The following RBFOX1 variants were observed in gnomAD, a reference collection of about 807,000 sequenced individuals.
The protein encoded by RBFOX1 is RNA binding protein fox-1 homolog 1.
Under a neutral mutation model 57.7 loss-of-function variants are expected in RBFOX1, and 8 were observed. The observed-to-expected ratio is 0.14, with a 90% CI of 0.08 to 0.25. The LOEUF (loss-of-function observed/expected upper bound fraction) is 0.25. RBFOX1 is among the 10% of genes least tolerant of loss of function. RBFOX1 has a pLI of 1.00. For synonymous variants in RBFOX1, 326 were observed against 222.4 expected, an observed-to-expected ratio of 1.47 and a Z score of -4.15; for missense variants, 611 against 548.5, an observed-to-expected ratio of 1.11 and a Z score of -1.14.
intron 4 of RBFOX1, among the ~76,000 whole-genome samples, chr16:7,465,963 G>A (rs1172423812): frequency 6.6e-6 from 1 of 152,168 alleles, no homozygotes; most frequent in Admixed American, 6.5e-5. Flanking sequence ...CTGGATAACT[G>A]GAAGCAGACA....
chr16:6,677,453 C>T (rs1231925982), intron 3 of RBFOX1, among the ~76,000 whole-genome samples: 1 of 152,088 alleles, frequency 6.6e-6, no homozygotes, highest in Non-Finnish European at 1.5e-5. Context: ...CCCTAAAAGG[C>T]TACCTACATC....
At chr16:7,215,649 G>C (rs1212995688) in intron 4 of RBFOX1, among the ~76,000 whole-genome samples, 1 of 151,494 alleles carries the variant, frequency 6.6e-6, no homozygotes, top group Non-Finnish European at 1.5e-5. Context: ...GGGCAGATTA[G>C]CATTTCTTCC....
intron 3 of RBFOX1, among the ~76,000 whole-genome samples, chr16:6,870,522 C>G (rs1048406472): frequency 5.3e-5 from 8 of 152,252 alleles, no homozygotes; most frequent in Admixed American, 4.6e-4. Flanking sequence ...TGAATAATTG[C>G]TAGTGGAACA....
intron 3 of RBFOX1, among the ~76,000 whole-genome samples, chr16:5,795,954 C>A (rs1255785585): frequency 6.6e-6 from 1 of 152,218 alleles, no homozygotes; most frequent in Non-Finnish European, 1.5e-5. Context: ...CATCAATAGT[C>A]CCCACCTTTT....
At chr16:6,433,920 T>C (rs1301168743) in intron 2 of RBFOX1, among the ~76,000 whole-genome samples, 1 of 149,980 alleles carries the variant, frequency 6.7e-6, no homozygotes, top group Non-Finnish European at 1.5e-5. Context: ...CCATCTCTGC[T>C]CACCGTAACC....
intron 1 of RBFOX1, among the ~76,000 whole-genome samples, chr16:5,274,968 A>G (rs2063106679): frequency 6.6e-6 from 1 of 152,152 alleles, no homozygotes. Context: ...ATGTACTAAG[A>G]CCGGAGATAG....
intron 3 of RBFOX1, among the ~76,000 whole-genome samples, chr16:5,723,738 T>A (rs1753680824): frequency 6.6e-6 from 1 of 152,138 alleles, no homozygotes; most frequent in Non-Finnish European, 1.5e-5. Context: ...GAGGTCTGAT[T>A]GTGAGATCTT....
chr16:5,344,629 T>C (rs1390587149), intron 1 of RBFOX1, among the ~76,000 whole-genome samples: 1 of 152,216 alleles, frequency 6.6e-6, no homozygotes, highest in Non-Finnish European at 1.5e-5. Flanking sequence ...GAGGACATCC[T>C]GACAGTAGTT....
intron 4 of RBFOX1, chr16:7,332,994 C>T (rs753642368): frequency 1.3e-5 from 21 of 1,613,392 alleles, no homozygotes; most frequent in Middle Eastern, 1.7e-4. Flanking sequence ...AATAACTCTA[C>T]GTAAAGCATG....
chr16:5,848,310 G>C (rs1386575045), intron 3 of RBFOX1, among the ~76,000 whole-genome samples: 1 of 152,160 alleles, frequency 6.6e-6, no homozygotes, highest in Non-Finnish European at 1.5e-5. Context: ...CCCCTATATG[G>C]AAACCCCTAA....
chr16:7,413,970 G>A (rs1044530706), intron 4 of RBFOX1, among the ~76,000 whole-genome samples: 2 of 152,170 alleles, frequency 1.3e-5, no homozygotes, highest in African/African-American at 4.8e-5. Flanking sequence ...CCAAGGAGAT[G>A]GTTCTCAGAT....
intron 3 of RBFOX1, among the ~76,000 whole-genome samples, chr16:6,667,844 G>A (rs552616086): frequency 1.2e-4 from 18 of 151,708 alleles, no homozygotes; most frequent in East Asian, 1.9e-4. Flanking sequence ...ACCTATAGTC[G>A]TACCACCACA....
Position 7,434,471 on chromosome 16 carries a change from C to T in RBFOX1, c.28-83676C>T, listed in dbSNP as rs907254529. On this transcript the variant is annotated intron_variant, in intron 4 of 15. Coordinates refer to ENST00000550418, the MANE Select transcript of RBFOX1 (RefSeq NM_018723.4). ...CGGGCGACAGAGCAAGACTCTGTCT[C>T]GTTAAAATAAATAAATAAATAAAAA... 8.0e-5 allele frequency among the ~76,000 whole-genome samples: 12 copies of T among 149,994 alleles called. No individual in the cohort carries two copies. The South Asian group carries it at 8.5e-4, about 11-fold the overall frequency.
At chr16:6,263,488 T>C (rs531418282) in intron 1 of RBFOX1, among the ~76,000 whole-genome samples, 1 of 152,306 alleles carries the variant, frequency 6.6e-6, no homozygotes, top group East Asian at 1.9e-4. Flanking sequence ...AACTGAGCAG[T>C]GCAGCCTCCA....
At chr16:6,020,771 G>T (rs1040372269) in intron 1 of RBFOX1, among the ~76,000 whole-genome samples, 4 of 152,104 alleles carry the variant, frequency 2.6e-5, no homozygotes, top group Non-Finnish European at 4.4e-5. Flanking sequence ...GTGGGGCGCC[G>T]CTCCCATCTC....
chr16:5,554,528 C>T (rs927037055), intron 2 of RBFOX1, among the ~76,000 whole-genome samples: 3 of 152,100 alleles, frequency 2.0e-5, no homozygotes, highest in Non-Finnish European at 2.9e-5. Flanking sequence ...ACCATTTTTA[C>T]TTAATTTTAG....
chr16:6,281,043 A>G (rs1263280253), intron 1 of RBFOX1, among the ~76,000 whole-genome samples: 2 of 149,538 alleles, frequency 1.3e-5, no homozygotes, highest in African/African-American at 2.6e-5. Flanking sequence ...TATGCTATCA[A>G]CATGCAGGTC....
chr16:7,034,841 C>CTTTTTTTTTT (rs1255430430), intron 3 of RBFOX1, among the ~76,000 whole-genome samples: 63 of 39,108 alleles, frequency 1.6e-3, no homozygotes, highest in East Asian at 3.4e-3. Context: ...TTTTTTTTTT[C>CTTTTTTTTTT]TTTTTTCTTT....
At chr16:6,552,838 A>G (rs1201448773) in intron 2 of RBFOX1, among the ~76,000 whole-genome samples, 6 of 151,970 alleles carry the variant, frequency 3.9e-5, no homozygotes, top group Non-Finnish European at 8.8e-5. Flanking sequence ...TTATAAATAT[A>G]TAATATAGAG....
Sources: allele counts gnomAD v4.1 joint callset (sites outside exome capture counted in the v4.1 genomes callset), GRCh38; gene constraint gnomAD v4.1.1; transcripts MANE v1.5; gene names NCBI Gene and HGNC (gene_info 2026-07-23, HGNC 2026-07-21).